The following CD2AP variants were observed in gnomAD, a reference collection of about 807,000 sequenced individuals.
CD2AP encodes the protein CD2-associated protein.
A neutral mutation model predicts 85.1 loss-of-function variants in CD2AP; 46 were observed. That is an observed-to-expected ratio of 0.54 (90% CI 0.43 to 0.69). The LOEUF (loss-of-function observed/expected upper bound fraction) is 0.69, where lower values mean the gene tolerates loss of function less well. Ranked by LOEUF, CD2AP falls within the 30% of genes least tolerant of loss-of-function variation. CD2AP has a pLI of 0.00. For missense variants in CD2AP, 769 were observed against 729.5 expected (o/e 1.05, Z -0.62); for synonymous variants, 255 against 252.9 (o/e 1.01, Z -0.08).
At position 47,624,228 on chromosome 6, in the gene CD2AP, G is replaced by A. The variant is rs1002943996; in HGVS notation, c.*1G>A. ...GAAAAAAGCTGTCCTGTCTTCTTGA[G>A]TGGTGTGGACCTGGTGTTCATAATG... On this transcript the variant is annotated 3_prime_UTR_variant, in exon 18 of 18. Coordinates refer to ENST00000359314, the MANE Select transcript of CD2AP (RefSeq NM_012120.3). The A allele has an allele frequency of 3.1e-6, 5 of 1,611,030 alleles. No homozygotes were observed. The South Asian group carries it at 4.4e-5, about 14-fold the overall frequency.
chr6:47,623,722 G>C (rs1769822756), intron 17 of CD2AP, among the ~76,000 whole-genome samples: 1 of 152,050 alleles, frequency 6.6e-6, no homozygotes, highest in Non-Finnish European at 1.5e-5. Context: ...TAAGTAAATT[G>C]AAACCAAGTC....
chr6:47,559,879 T>C (rs951690357), intron 5 of CD2AP, among the ~76,000 whole-genome samples: 6 of 152,150 alleles, frequency 3.9e-5, no homozygotes, highest in African/African-American at 1.4e-4. Context: ...AATCTAGATA[T>C]AGAGCTAGAA....
At chr6:47,493,854 G>A (rs1765792162) in intron 1 of CD2AP, among the ~76,000 whole-genome samples, 1 of 152,064 alleles carries the variant, frequency 6.6e-6, no homozygotes, top group Non-Finnish European at 1.5e-5. Context: ...ACTGATGAAT[G>A]CATCAGTGTT....
intron 3 of CD2AP, among the ~76,000 whole-genome samples, chr6:47,541,224 T>C (rs1010123373): frequency 1.3e-5 from 2 of 152,170 alleles, no homozygotes; most frequent in Non-Finnish European, 2.9e-5. Context: ...CCCAGGTTCA[T>C]GCCATCCTCC....
intron 13 of CD2AP, among the ~76,000 whole-genome samples, chr6:47,604,013 G>A (rs1769208214): frequency 6.6e-6 from 1 of 151,802 alleles, no homozygotes. Context: ...TTCCTGATTC[G>A]TTTAAAATAT....
rs534472133 is a variant in CD2AP, at chr6:47,500,272, G to A, written c.5-3008G>A. 1.8e-4 allele frequency among the ~76,000 whole-genome samples: 28 copies of A among 152,250 alleles called. 1 individual carries two copies. The South Asian group carries it at 5.6e-3, about 30-fold the overall frequency. ...TTACTGTGGTTGATATAGAGATTGA[G>A]TAATTTCCCTGTTTTAGCCCTGCAT... On this transcript the variant is annotated intron_variant, in intron 1 of 17. Coordinates refer to ENST00000359314, the MANE Select transcript of CD2AP (RefSeq NM_012120.3).
At chr6:47,559,023 G>C (rs1345486820) in intron 5 of CD2AP, among the ~76,000 whole-genome samples, 5 of 152,044 alleles carry the variant, frequency 3.3e-5, no homozygotes. Context: ...GTCTATTCAG[G>C]GATTTGGCTT....
chr6:47,608,197 A>C (rs1400657812), intron 15 of CD2AP, among the ~76,000 whole-genome samples, 169 bp downstream of exon 15: 4 of 152,174 alleles, frequency 2.6e-5, no homozygotes, highest in Non-Finnish European at 5.9e-5. Flanking sequence ...ATTTTCTGCA[A>C]ATGTTTTTGA....
At chr6:47,596,148 A>G in intron 12 of CD2AP, 122 bp downstream of exon 12, 1 of 731,366 alleles carries the variant, frequency 1.4e-6, no homozygotes, top group Non-Finnish European at 2.4e-6. Context: ...TTTATTTTTA[A>G]AATTGACATA....
At chr6:47,491,217 C>T (rs1765721664) in intron 1 of CD2AP, among the ~76,000 whole-genome samples, 1 of 151,354 alleles carries the variant, frequency 6.6e-6, no homozygotes, top group Non-Finnish European at 1.5e-5. Flanking sequence ...ATACTTAGCC[C>T]TGGGAATAAA....
chr6:47,570,759 T>C (rs956751533), intron 5 of CD2AP, among the ~76,000 whole-genome samples: 7 of 152,166 alleles, frequency 4.6e-5, no homozygotes, highest in African/African-American at 1.7e-4. Context: ...GGCAAAGAGA[T>C]TGGGCAAATA....
intron 17 of CD2AP, among the ~76,000 whole-genome samples, chr6:47,614,703 C>T (rs971752251): frequency 6.6e-6 from 1 of 152,178 alleles, no homozygotes; most frequent in African/African-American, 2.4e-5. Context: ...CACAGGATTA[C>T]CACAAGCCTT....
intron 2 of CD2AP, among the ~76,000 whole-genome samples, chr6:47,513,616 A>G (rs888010448): frequency 5.3e-5 from 8 of 152,080 alleles, no homozygotes; most frequent in African/African-American, 1.2e-4. Flanking sequence ...CTTTACTACT[A>G]CTTTCTAATC....
intron 2 of CD2AP, among the ~76,000 whole-genome samples, chr6:47,521,271 G>T (rs1462255260): frequency 3.3e-5 from 5 of 152,144 alleles, no homozygotes; most frequent in Non-Finnish European, 5.9e-5. Flanking sequence ...GGCATAGTAG[G>T]CCAGGCGTGG....
intron 1 of CD2AP, among the ~76,000 whole-genome samples, chr6:47,499,306 C>CGT (rs1562004348): frequency 1.5e-4 from 12 of 79,530 alleles, no homozygotes; most frequent in African/African-American, 4.2e-4. Context: ...GGTGTATGTG[C>CGT]ATGTGTGTGT....
chr6:47,579,610 T>TA lies in CD2AP; in HGVS notation c.1008+122dup, dbSNP rs554249220. On this transcript the variant is annotated intron_variant, in intron 9 of 17. Transcript: ENST00000359314. ...TTTATGAAGGAGTTTCAGATGTAGC[T>TA]ATTCAGGTAGGAGTTATTTGAGTTA... 149 of 679,438 alleles carry TA rather than the reference T, an allele frequency of 2.2e-4. 1 individual carries two copies. In the East Asian group the frequency reaches 4.0e-3, roughly 18 times the overall value. The allele number at this position is 679,438 out of a possible 1,614,324, so 42.1% of individuals were successfully genotyped here.
intron 5 of CD2AP, among the ~76,000 whole-genome samples, chr6:47,565,837 G>T (rs1024880331): frequency 1.3e-5 from 2 of 152,052 alleles, no homozygotes; most frequent in African/African-American, 4.8e-5. Flanking sequence ...TTACTGAATA[G>T]TCTGGTAGCC....
At chr6:47,614,178 C>T (rs1398193192) in intron 17 of CD2AP, among the ~76,000 whole-genome samples, 2 of 152,202 alleles carry the variant, frequency 1.3e-5, no homozygotes, top group Admixed American at 6.6e-5. Flanking sequence ...TGCAGTAGCA[C>T]TTTTAATTTT....
chr6:47,591,813 A>G (rs1768803078), intron 11 of CD2AP, among the ~76,000 whole-genome samples: 1 of 152,120 alleles, frequency 6.6e-6, no homozygotes, highest in African/African-American at 2.4e-5. Context: ...TATACCTGAG[A>G]TAACTCTTTT....
Sources: allele counts gnomAD v4.1 joint callset (sites outside exome capture counted in the v4.1 genomes callset), GRCh38; gene constraint gnomAD v4.1.1; transcripts MANE v1.5; gene names NCBI Gene and HGNC (gene_info 2026-07-23, HGNC 2026-07-21).